Variants in SPRED2 observed in about 807,000 individuals in gnomAD.
SPRED2 encodes sprouty-related, EVH1 domain-containing protein 2.
In SPRED2, 47 loss-of-function variants were observed where a neutral mutation model predicts 43.0. The observed-to-expected ratio is 1.09, with a 90% confidence interval of 0.87 to 1.40. The LOEUF is 1.40. SPRED2 is among the 40% of genes most tolerant of loss of function. The probability of loss-of-function intolerance (pLI) is 0.00; values close to 1 mark genes in which losing one functional copy is unlikely to be tolerated. For missense variants in SPRED2, 561 were observed against 586.4 expected (o/e 0.96, Z 0.45); for synonymous variants, 225 against 225.7 (o/e 1.00, Z 0.03).
At chr2:65,342,787 G>T (rs1444212432) in intron 2 of SPRED2, among the ~76,000 whole-genome samples, 2 of 152,162 alleles carry the variant, frequency 1.3e-5, no homozygotes, top group African/African-American at 2.4e-5. Context: ...GAAAGAGAAT[G>T]TTTAAGGCAA....
intron 1 of SPRED2, among the ~76,000 whole-genome samples, chr2:65,427,816 AATGGTTC>A (rs1234159596): frequency 3.3e-5 from 5 of 152,160 alleles, no homozygotes; most frequent in African/African-American, 9.7e-5. Flanking sequence ...GGACCACCCC[AATGGTTC>A]ATAGTGGTTA....
chr2:65,363,144 C>T (rs545404761), intron 1 of SPRED2, among the ~76,000 whole-genome samples: 1 of 143,278 alleles, frequency 7.0e-6, no homozygotes, highest in South Asian at 2.2e-4. Flanking sequence ...GAGGCTGAGG[C>T]AGGAGAATCA....
chr2:65,358,016 G>A (rs975536264), intron 1 of SPRED2, among the ~76,000 whole-genome samples: 2 of 147,730 alleles, frequency 1.4e-5, no homozygotes, highest in Admixed American at 6.7e-5. Context: ...TGTAGTTGTG[G>A]CAGAGGGCTT....
intron 1 of SPRED2, among the ~76,000 whole-genome samples, chr2:65,413,289 G>A (rs928561968): frequency 1.3e-5 from 2 of 152,158 alleles, no homozygotes; most frequent in African/African-American, 2.4e-5. Flanking sequence ...CAACAGCCTG[G>A]AGCCTTTACC....
At chr2:65,409,691 C>CAA (rs59225849) in intron 1 of SPRED2, among the ~76,000 whole-genome samples, 10,128 of 89,990 alleles carry the variant, frequency 0.11, 665 homozygotes, top group Non-Finnish European at 0.17. Flanking sequence ...CAGTTTCCTG[C>CAA]AAAAAAAAAA....
intron 1 of SPRED2, among the ~76,000 whole-genome samples, chr2:65,380,466 A>G (rs1249539865): frequency 6.6e-6 from 1 of 152,224 alleles, no homozygotes; most frequent in Admixed American, 6.5e-5. Flanking sequence ...CTTCGAGGCT[A>G]GTCAATCATG....
At chr2:65,332,424 GA>G in intron 3 of SPRED2, 1 of 165,400 alleles carries the variant, frequency 6.0e-6, no homozygotes, top group Non-Finnish European at 1.3e-5. Context: ...CGTGTAGTGG[GA>G]AAAGCACTGG....
rs561085494 is a variant in SPRED2 at position 65,380,984 on chromosome 2, T to C, written c.27-36088A>G. Among the ~76,000 whole-genome samples, 5 of 152,336 alleles carry C rather than the reference T, an allele frequency of 3.3e-5. No homozygotes were observed. The East Asian group carries it at 9.6e-4, about 29-fold the overall frequency. On this transcript the variant is annotated intron_variant, in intron 1 of 5. Transcript: ENST00000356388. ...CTTTATGTGTCCTCTTTAATTCTCA[T>C]TGCAGTTCTCTGAGGAAGGCGCTCT...
chr2:65,364,734 T>A lies in SPRED2; in HGVS notation c.27-19838A>T, dbSNP rs182463393. Among the ~76,000 whole-genome samples the A allele has an allele frequency of 2.0e-4, 31 of 152,294 alleles. 1 individual carries two copies. Among genetic ancestry groups the A allele is most frequent in the South Asian group, 1.0e-3 (5 of 4,820 alleles). ...AGAACTTTAAAATAAATGTTTTTTTTATCCCTGACTATAATCATTTACCAT... is the reference window on the plus strand; with the variant it reads ...AGAACTTTAAAATAAATGTTTTTTTAATCCCTGACTATAATCATTTACCAT... On this transcript the variant is annotated intron_variant, in intron 1 of 5. Transcript: ENST00000356388.
chr2:65,394,312 T>C (rs1277488672), intron 1 of SPRED2, among the ~76,000 whole-genome samples: 1 of 152,228 alleles, frequency 6.6e-6, no homozygotes, highest in South Asian at 2.1e-4. Context: ...CTCAGGTGCC[T>C]GGCAAAGGAT....
At chr2:65,430,251 C>A (rs1282125181) in intron 1 of SPRED2, among the ~76,000 whole-genome samples, 3 of 152,126 alleles carry the variant, frequency 2.0e-5, no homozygotes, top group African/African-American at 7.2e-5. Context: ...ATGCTATATA[C>A]GAAGACAAAG....
At chr2:65,384,501 A>G (rs541454464) in intron 1 of SPRED2, among the ~76,000 whole-genome samples, 1 of 152,352 alleles carries the variant, frequency 6.6e-6, no homozygotes, top group African/African-American at 2.4e-5. Flanking sequence ...AAAACTTAGT[A>G]AGAATTTCAA....
intron 1 of SPRED2, among the ~76,000 whole-genome samples, chr2:65,376,936 G>A (rs984386732): frequency 1.3e-5 from 2 of 152,018 alleles, no homozygotes; most frequent in African/African-American, 4.8e-5. Context: ...GGATGGTCTC[G>A]ATCTCCTGAC....
chr2:65,396,893 G>A (rs1377908850), intron 1 of SPRED2, among the ~76,000 whole-genome samples: 1 of 152,174 alleles, frequency 6.6e-6, no homozygotes, highest in Non-Finnish European at 1.5e-5. Context: ...GTTTCCAAGA[G>A]GCTATTCTAA....
At chr2:65,394,902 T>C (rs1675719559) in intron 1 of SPRED2, among the ~76,000 whole-genome samples, 1 of 152,222 alleles carries the variant, frequency 6.6e-6, no homozygotes, top group East Asian at 1.9e-4. Flanking sequence ...TGTCTTTTTC[T>C]TAGGCAAATG....
In SPRED2 at chr2:65,316,785, G is replaced by A; in HGVS notation, c.537C>T (p.Thr179=). 1 of 1,613,248 alleles carries A rather than the reference G, an allele frequency of 6.2e-7. No homozygotes were observed. Among genetic ancestry groups the A allele is most frequent in the East Asian group, 2.2e-5 (1 of 44,868 alleles). The change falls in exon 5 of 6, where the codon ACC becomes ACT. Residue 179 remains threonine, a synonymous_variant. Transcript: ENST00000356388. ...GGTATGAGTCGTGGAGGTGGCCCAGGGTATAAATCCTCCGGTGCTCACAGG... is the reference window on the plus strand; with the variant it reads ...GGTATGAGTCGTGGAGGTGGCCCAGAGTATAAATCCTCCGGTGCTCACAGG... ...PTSCEHRRIY[T]LGHLHDSYPT... is the part of the protein sequence containing the mutation.
intron 1 of SPRED2, among the ~76,000 whole-genome samples, chr2:65,411,609 C>T (rs1357917181): frequency 6.6e-6 from 1 of 152,144 alleles, no homozygotes; most frequent in East Asian, 1.9e-4. Context: ...TAATTGGCTT[C>T]TATCTTAGTG....
chr2:65,408,040 A>G (rs1031436123), intron 1 of SPRED2, among the ~76,000 whole-genome samples: 3 of 152,210 alleles, frequency 2.0e-5, no homozygotes, highest in Non-Finnish European at 4.4e-5. Context: ...TTTACCCATC[A>G]GTCTGATTTC....
chr2:65,417,012 C>T (rs997615725), intron 1 of SPRED2, among the ~76,000 whole-genome samples: 13 of 152,186 alleles, frequency 8.5e-5, no homozygotes, highest in African/African-American at 3.1e-4. Context: ...TCCTTCTTCT[C>T]TCTCTTTGCT....
Sources: allele counts gnomAD v4.1 joint callset (sites outside exome capture counted in the v4.1 genomes callset), GRCh38; gene constraint gnomAD v4.1.1; transcripts MANE v1.5; gene names NCBI Gene and HGNC (gene_info 2026-07-23, HGNC 2026-07-21).